The following ADAM7 variants were observed in gnomAD, a reference collection of about 807,000 sequenced individuals.
ADAM7 encodes the protein disintegrin and metalloproteinase domain-containing protein 7.
In ADAM7, 97 loss-of-function variants were observed where a neutral mutation model predicts 102.9. The ratio of observed to expected loss-of-function variants is 0.94; its 90% CI spans 0.80 to 1.12. ADAM7 has a LOEUF of 1.12. ADAM7 is among the 50% of genes most tolerant of loss of function. The pLI, the probability that ADAM7 is intolerant of heterozygous loss-of-function variation, is 0.00. For synonymous variants in ADAM7, 334 were observed against 304.4 expected (o/e 1.10, Z -1.01); for missense variants, 991 against 908.7 (o/e 1.09, Z -1.16).
intron 21 of ADAM7, among the ~76,000 whole-genome samples, chr8:24,507,879 G>T (rs1249758071): frequency 6.6e-6 from 1 of 152,094 alleles, no homozygotes; most frequent in African/African-American, 2.4e-5. Context: ...CTTCAAGTAT[G>T]TTAAAAGACT....
At chr8:24,485,040 G>A (rs533885597) in intron 9 of ADAM7, among the ~76,000 whole-genome samples, 2 of 151,708 alleles carry the variant, frequency 1.3e-5, no homozygotes, top group Non-Finnish European at 1.5e-5. Context: ...TCTTGACCTC[G>A]TGATCCACCT....
chr8:24,492,184 G>T, intron 14 of ADAM7, 86 bp downstream of exon 14: 1 of 1,286,614 alleles, frequency 7.8e-7, no homozygotes, highest in Non-Finnish European at 1.1e-6. Context: ...GTCAAGATCA[G>T]ATATAATGTC....
intron 7 of ADAM7, among the ~76,000 whole-genome samples, chr8:24,469,239 C>T (rs1819527769): frequency 6.6e-6 from 1 of 151,924 alleles, no homozygotes; most frequent in South Asian, 2.1e-4. Context: ...GAATGTAAAC[C>T]CCTGAGAAGC....
At chr8:24,446,495 T>G (rs1158946029) in intron 2 of ADAM7, among the ~76,000 whole-genome samples, 1 of 152,166 alleles carries the variant, frequency 6.6e-6, no homozygotes, top group African/African-American at 2.4e-5. Flanking sequence ...TACATTTTTT[T>G]TCATGTCATT....
At chr8:24,481,379 T>C (rs1304684244) in intron 8 of ADAM7, among the ~76,000 whole-genome samples, 1 of 152,206 alleles carries the variant, frequency 6.6e-6, no homozygotes, top group Non-Finnish European at 1.5e-5. Context: ...GTATGAATGA[T>C]CTTTCCATTT....
intron 20 of ADAM7, chr8:24,506,169 C>A: frequency 6.5e-7 from 1 of 1,541,856 alleles, no homozygotes; most frequent in Non-Finnish European, 8.8e-7. Flanking sequence ...ACGTTCCCCT[C>A]CCCTTCCTCT....
intron 3 of ADAM7, among the ~76,000 whole-genome samples, chr8:24,449,200 T>C (rs1034909201): frequency 1.2e-4 from 19 of 152,236 alleles, no homozygotes; most frequent in African/African-American, 4.6e-4. Context: ...ATGGTATTTC[T>C]AGTTCCAGAT....
chr8:24,499,229 T>C lies in ADAM7; in HGVS notation c.1843-7T>C, dbSNP rs755999058. Reference sequence around the variant, plus strand: ...TTTTAATTCATGCTTGGTTACTTCATTTCTAGGTGTGCAACAATGGTGAAT... The same window carrying C: ...TTTTAATTCATGCTTGGTTACTTCACTTCTAGGTGTGCAACAATGGTGAAT... On this transcript the variant is annotated splice_region_variant and splice_polypyrimidine_tract_variant and intron_variant, in intron 16 of 21. Transcript: ENST00000175238. 1 of 1,576,712 alleles carries C rather than the reference T, an allele frequency of 6.3e-7. No individual in the cohort carries two copies. Among genetic ancestry groups the C allele is most frequent in the Admixed American group, 1.8e-5 (1 of 54,256 alleles).
In ADAM7 at chr8:24,482,309, C is replaced by T. The variant is rs774101592; in HGVS notation, c.873C>T (p.Leu291=). ...AGGATTTTGATCATGTTGTATTACT[C>T]AGGTTGGTGATTGCTCTATTTTCTT... ...TRKDFDHVVL[L]SGKWLYSHVQ... Residue 291 remains leucine (L), a splice_region_variant and synonymous_variant, in exon 9 of 22, where the codon CTC becomes CTT. Coordinates refer to ENST00000175238, the MANE Select transcript of ADAM7 (RefSeq NM_003817.4). 6 of 1,605,346 alleles carry T rather than the reference C, an allele frequency of 3.7e-6. No homozygotes were observed. In the East Asian group the frequency reaches 1.3e-4, roughly 36 times the overall value.
chr8:24,458,163 TC>T (rs1819108212), intron 3 of ADAM7, among the ~76,000 whole-genome samples: 2 of 152,170 alleles, frequency 1.3e-5, no homozygotes, highest in Admixed American at 1.3e-4. Flanking sequence ...TTATTCTAGG[TC>T]CTTTGCATTT....
chr8:24,500,116 G>A (rs1477621028), intron 17 of ADAM7, 62 bp from the exon 18 acceptor site: 2 of 1,442,350 alleles, frequency 1.4e-6, no homozygotes, highest in Non-Finnish European at 1.9e-6. Context: ...ACTAAAGTAA[G>A]TGAGTTGCAG....
At chr8:24,493,940 G>C (rs959230596) in intron 16 of ADAM7, among the ~76,000 whole-genome samples, 1 of 152,168 alleles carries the variant, frequency 6.6e-6, no homozygotes, top group African/African-American at 2.4e-5. Flanking sequence ...TTGAAGAGAA[G>C]ACAGAATGGG....
rs536145442 is a variant in ADAM7, at chr8:24,448,196, C to T, written c.233+934C>T. Reference sequence around the variant, plus strand: ...TGAGACAGATATTGTTTAATTTACACTTTGCTGAGGAAGAATTATAGGTAC... The same window carrying T: ...TGAGACAGATATTGTTTAATTTACATTTTGCTGAGGAAGAATTATAGGTAC... On this transcript the variant is annotated intron_variant, in intron 3 of 21. Coordinates refer to ENST00000175238, the MANE Select transcript of ADAM7 (RefSeq NM_003817.4). 2.6e-5 allele frequency among the ~76,000 whole-genome samples: 4 copies of T among 152,266 alleles called. No individual in the cohort carries two copies. The East Asian group carries it at 7.7e-4, about 29-fold the overall frequency.
intron 3 of ADAM7, among the ~76,000 whole-genome samples, chr8:24,453,498 C>T (rs1456848379): frequency 6.6e-6 from 1 of 152,208 alleles, no homozygotes; most frequent in Non-Finnish European, 1.5e-5. Context: ...GCTTTCAGCT[C>T]CATCAGCTCC....
In ADAM7 at chr8:24,500,266, C is replaced by T; in HGVS notation, c.2002+10C>T. ...ACCTTACATGTTACCAGTGAGCATCCTAAAACAAAATCTTTCATATATCAA... is the reference window on the plus strand; with the variant it reads ...ACCTTACATGTTACCAGTGAGCATCTTAAAACAAAATCTTTCATATATCAA... On this transcript the variant is annotated intron_variant, in intron 18 of 21. Coordinates refer to ENST00000175238, the MANE Select transcript of ADAM7 (RefSeq NM_003817.4). The T allele has an allele frequency of 6.3e-7, 1 of 1,597,224 alleles. No individual in the cohort carries two copies.
chr8:24,474,211 A>G (rs2129385301), intron 7 of ADAM7, among the ~76,000 whole-genome samples: 1 of 152,306 alleles, frequency 6.6e-6, no homozygotes, highest in South Asian at 2.1e-4. Context: ...TAACCTATGA[A>G]CAAAATTTTA....
chr8:24,505,115 T>G (rs1221351173), intron 20 of ADAM7, among the ~76,000 whole-genome samples: 1 of 152,168 alleles, frequency 6.6e-6, no homozygotes, highest in Non-Finnish European at 1.5e-5. Context: ...GCACTTAATA[T>G]GTGTTATTTT....
chr8:24,447,283 A>G lies in ADAM7; in HGVS notation c.233+21A>G, dbSNP rs1459249232. ...TCCAGGTAAGTTCTATTGTGATTCC[A>G]GTACCTTATAGATTTTAGTAATTAT... is the stretch of plus-strand genomic sequence containing the variant. On this transcript the variant is annotated intron_variant, in intron 3 of 21. Coordinates refer to ENST00000175238, the MANE Select transcript of ADAM7 (RefSeq NM_003817.4). 6.0e-6 allele frequency: 8 copies of G among 1,338,488 alleles called. No homozygotes were observed. The East Asian group carries it at 2.1e-4, about 35-fold the overall frequency. 82.9% of individuals were successfully genotyped at this position (1,338,488 alleles called of 1,614,324 possible). A position where few individuals can be genotyped will look rare whatever the true frequency, so the allele number is the denominator to read the frequency against.
At chr8:24,443,547 A>C (rs1371208510) in intron 2 of ADAM7, among the ~76,000 whole-genome samples, 2 of 152,218 alleles carry the variant, frequency 1.3e-5, no homozygotes, top group Non-Finnish European at 2.9e-5. Flanking sequence ...GTACTCAGCT[A>C]AGGGGGCTTT....
Sources: allele counts gnomAD v4.1 joint callset (sites outside exome capture counted in the v4.1 genomes callset), GRCh38; gene constraint gnomAD v4.1.1; transcripts MANE v1.5; gene names NCBI Gene and HGNC (gene_info 2026-07-23, HGNC 2026-07-21).